Variants in DPP10 observed in about 807,000 individuals in gnomAD.
DPP10 encodes inactive dipeptidyl peptidase 10.
In DPP10, 33 loss-of-function variants were observed where a neutral mutation model predicts 120.9. The observed-to-expected ratio is 0.27, with a 90% CI of 0.21 to 0.37. The LOEUF (loss-of-function observed/expected upper bound fraction) is 0.37, where lower values mean the gene tolerates loss of function less well. Ranked by LOEUF, DPP10 falls within the 10% of genes least tolerant of loss-of-function variation. The pLI, the probability that DPP10 is intolerant of heterozygous loss-of-function variation, is 1.00. For missense variants in DPP10, 816 were observed against 942.8 expected, an observed-to-expected ratio of 0.87 and a Z score of 1.76; for synonymous variants, 337 against 326.1, an observed-to-expected ratio of 1.03 and a Z score of -0.36.
At chr2:115,699,399 T>G (rs1575555978) in intron 7 of DPP10, among the ~76,000 whole-genome samples, 1 of 152,046 alleles carries the variant, frequency 6.6e-6, no homozygotes, top group African/African-American at 2.4e-5. Context: ...GTCAGGAGTT[T>G]GAGACCAGCC....
At chr2:114,898,131 A>G (rs1312487326) in intron 1 of DPP10, among the ~76,000 whole-genome samples, 1 of 152,216 alleles carries the variant, frequency 6.6e-6, no homozygotes, top group Non-Finnish European at 1.5e-5. Context: ...GGATTAAGAA[A>G]ATGTGGCACA....
At chr2:114,978,779 T>TAA (rs1210054772) in intron 1 of DPP10, among the ~76,000 whole-genome samples, 7 of 152,150 alleles carry the variant, frequency 4.6e-5, no homozygotes, top group Admixed American at 2.0e-4. Flanking sequence ...TTCATGACAT[T>TAA]GGTAGATAAT....
At chr2:114,683,682 G>A (rs941653880) in intron 1 of DPP10, among the ~76,000 whole-genome samples, 1 of 151,514 alleles carries the variant, frequency 6.6e-6, no homozygotes, top group African/African-American at 2.4e-5. Context: ...TATGAGAGAA[G>A]GTTTTCTTCG....
chr2:115,064,116 T>C (rs1223830662), intron 1 of DPP10, among the ~76,000 whole-genome samples: 5 of 152,218 alleles, frequency 3.3e-5, no homozygotes, highest in Admixed American at 3.3e-4. Context: ...TATGGGATTG[T>C]TGTTCATTTG....
intron 1 of DPP10, among the ~76,000 whole-genome samples, chr2:115,199,703 G>T (rs1344916092): frequency 6.6e-6 from 1 of 152,052 alleles, no homozygotes; most frequent in African/African-American, 2.4e-5. Flanking sequence ...TTTGTTTATA[G>T]CATGTATCAA....
intron 5 of DPP10, among the ~76,000 whole-genome samples, chr2:115,680,721 T>C (rs1012749873): frequency 1.3e-5 from 2 of 151,908 alleles, no homozygotes; most frequent in African/African-American, 2.4e-5. Flanking sequence ...AGTAAACATA[T>C]AAAGTTTTAA....
intron 1 of DPP10, among the ~76,000 whole-genome samples, chr2:114,514,624 CTT>C (rs1460701455): frequency 1.3e-5 from 2 of 152,188 alleles, no homozygotes; most frequent in African/African-American, 2.4e-5. Context: ...TTGCCTCAAA[CTT>C]TGCCACCACT....
chr2:114,940,772 T>G (rs1373359299), intron 1 of DPP10, among the ~76,000 whole-genome samples: 2 of 152,202 alleles, frequency 1.3e-5, no homozygotes, highest in Admixed American at 6.5e-5. Context: ...AAAGCCATTA[T>G]GTTAACAGAA....
chr2:115,363,007 C>T (rs1383140578), intron 3 of DPP10, among the ~76,000 whole-genome samples: 2 of 152,194 alleles, frequency 1.3e-5, no homozygotes, highest in East Asian at 1.9e-4. Context: ...TGAGCTTGAA[C>T]ATTCATTACT....
intron 1 of DPP10, among the ~76,000 whole-genome samples, chr2:114,523,885 A>G (rs570211416): frequency 2.4e-4 from 37 of 152,308 alleles, no homozygotes; most frequent in African/African-American, 8.2e-4. Flanking sequence ...GGCATGTCTC[A>G]AATGGCAAGA....
intron 5 of DPP10, among the ~76,000 whole-genome samples, chr2:115,589,725 C>T (rs1246133536): frequency 6.6e-6 from 1 of 151,920 alleles, no homozygotes; most frequent in Non-Finnish European, 1.5e-5. Flanking sequence ...CATGGAATAC[C>T]AAAGCTCAGA....
chr2:115,436,317 T>G (rs1253408390), intron 3 of DPP10, among the ~76,000 whole-genome samples: 1 of 151,978 alleles, frequency 6.6e-6, no homozygotes, highest in East Asian at 1.9e-4. Context: ...GTTTAATTTG[T>G]CTCTACAAAT....
At chr2:115,631,772 G>A (rs1232825001) in intron 5 of DPP10, among the ~76,000 whole-genome samples, 3 of 152,184 alleles carry the variant, frequency 2.0e-5, no homozygotes, top group Admixed American at 6.5e-5. Context: ...TGTGGTCTGA[G>A]AGACTGGTTG....
intron 1 of DPP10, among the ~76,000 whole-genome samples, chr2:114,590,022 C>T (rs1691325390): frequency 6.6e-6 from 1 of 152,010 alleles, no homozygotes; most frequent in Non-Finnish European, 1.5e-5. Context: ...GTGAAAGACA[C>T]ATACCATGTA....
chr2:114,873,504 A>G (rs1050275687), intron 1 of DPP10, among the ~76,000 whole-genome samples: 4 of 152,090 alleles, frequency 2.6e-5, no homozygotes, highest in African/African-American at 9.7e-5. Context: ...CAAGTCTTTG[A>G]ATAATTATGT....
chr2:115,052,754 C>A (rs1705599845), intron 1 of DPP10, among the ~76,000 whole-genome samples: 1 of 152,178 alleles, frequency 6.6e-6, no homozygotes, highest in East Asian at 1.9e-4. Flanking sequence ...GAGTTCGAGA[C>A]CAGCCTAGCC....
rs572668778 is a variant in DPP10 at position 115,016,675 on chromosome 2, A to G, written c.61-292564A>G. Among the ~76,000 whole-genome samples the G allele has an allele frequency of 3.9e-5, 6 of 152,142 alleles. No individual in the cohort carries two copies. The South Asian group carries it at 1.2e-3, about 32-fold the overall frequency. Reference sequence around the variant, plus strand: ...ATTTACAAGAAAAAAAAAACAACCCATCAACAAGTGGGCAAAGGATATGAA... The same window carrying G: ...ATTTACAAGAAAAAAAAAACAACCCGTCAACAAGTGGGCAAAGGATATGAA... On this transcript the variant is annotated intron_variant, in intron 1 of 25. Coordinates refer to ENST00000410059, the MANE Select transcript of DPP10 (RefSeq NM_020868.6).
At chr2:114,480,668 G>A (rs1193075186) in intron 1 of DPP10, among the ~76,000 whole-genome samples, 2 of 144,914 alleles carry the variant, frequency 1.4e-5, no homozygotes, top group Admixed American at 1.4e-4. Context: ...GAGAACACAT[G>A]GACACAGGAA....
At chr2:115,006,736 A>C (rs375910674) in intron 1 of DPP10, among the ~76,000 whole-genome samples, 15 of 151,946 alleles carry the variant, frequency 9.9e-5, no homozygotes, top group African/African-American at 1.5e-4. Flanking sequence ...GAGTGACCTA[A>C]AAAGAGACTT....
Sources: gnomAD v4.1 joint callset for allele counts (sites outside exome capture counted in the v4.1 genomes callset) on GRCh38, gnomAD v4.1.1 for gene constraint, MANE v1.5 for transcripts, NCBI Gene and HGNC (gene_info 2026-07-23, HGNC 2026-07-21) for gene names.